RIC3: variants seen among roughly 807,000 people sequenced by gnomAD.
RIC3 encodes RIC3 acetylcholine receptor chaperone.
A neutral mutation model predicts 27.3 loss-of-function variants in RIC3; 28 were observed. That is an observed-to-expected ratio of 1.02 (90% confidence interval 0.76 to 1.41). The LOEUF (loss-of-function observed/expected upper bound fraction) is 1.41, where lower values mean the gene tolerates loss of function less well. RIC3 is among the 40% of genes most tolerant of loss of function. The pLI is 0.00. For missense variants in RIC3, 501 were observed against 444.7 expected (o/e 1.13, Z -1.14); for synonymous variants, 184 against 160.4 (o/e 1.15, Z -1.11).
chr11:8,164,981 A>G (rs1951551053), intron 1 of RIC3, among the ~76,000 whole-genome samples: 2 of 152,140 alleles, frequency 1.3e-5, no homozygotes, highest in African/African-American at 2.4e-5. Flanking sequence ...TCCTACTAGG[A>G]TGGCTATCAT....
At chr11:8,137,622 A>G (rs1948578194) in intron 3 of RIC3, 151 bp from the exon 4 acceptor site, 10 of 529,246 alleles carry the variant, frequency 1.9e-5, no homozygotes, top group South Asian at 1.4e-4. Flanking sequence ...GATTCTGTGA[A>G]TATTTAAGAT....
At chr11:8,165,787 G>GT (rs796291178) in intron 1 of RIC3, among the ~76,000 whole-genome samples, 207 of 56,468 alleles carry the variant, frequency 3.7e-3, no homozygotes, top group South Asian at 0.016. Context: ...GTTTTGTTTT[G>GT]TTTTTTTTTT....
intron 1 of RIC3, among the ~76,000 whole-genome samples, chr11:8,160,949 A>C (rs1382361962): frequency 6.6e-6 from 1 of 152,208 alleles, no homozygotes; most frequent in African/African-American, 2.4e-5. Context: ...GACAGGCCTC[A>C]ATCAATTTAG....
intron 5 of RIC3, among the ~76,000 whole-genome samples, chr11:8,124,024 G>A (rs890545491): frequency 9.3e-5 from 14 of 149,790 alleles, no homozygotes; most frequent in East Asian, 7.9e-4. Context: ...CCATGATCAC[G>A]TGCCACTGTA....
intron 5 of RIC3, among the ~76,000 whole-genome samples, chr11:8,122,203 A>C (rs573997248): frequency 6.6e-6 from 1 of 152,182 alleles, no homozygotes; most frequent in African/African-American, 2.4e-5. Flanking sequence ...CCATCACCAC[A>C]AGGACCCCTT....
At position 8,110,714 on chromosome 11, in the gene RIC3, G is replaced by A; in HGVS notation, c.1094C>T (p.Pro365Leu). ...TGGCTGTTTTCACTCTAAACCCTGG[G>A]GGTTACGCTTCCTCAGCATGCTGCC... is the stretch of plus-strand genomic sequence containing the variant. ...YTGSMLRKRN[P>L]QGLE Residue 365 changes from proline (P) to leucine (L), a missense_variant, in exon 6 of 6, where the codon CCC (proline) becomes CTC (leucine). By Grantham distance (98) the Pro-to-Leu change is moderately conservative. Transcript: ENST00000309737. 6.2e-7 allele frequency: 1 copy of A among 1,614,180 alleles called. No homozygotes were observed. The highest frequency in any genetic ancestry group is 8.5e-7 in the Non-Finnish European group (1 of 1,180,018).
chr11:8,149,548 G>C (rs1950036669), intron 1 of RIC3, among the ~76,000 whole-genome samples: 1 of 152,140 alleles, frequency 6.6e-6, no homozygotes, highest in African/African-American at 2.4e-5. Context: ...ACTAGGGTCT[G>C]GGAAAACGTC....
Position 8,109,063 on chromosome 11 carries a change from A to G in RIC3, c.*1635T>C, listed in dbSNP as rs1944967671. ...TGTGAATCAAATGTTCTACACAGAGATAGATGCAATATGCTTTCTATAAAC... is the reference window on the plus strand; with the variant it reads ...TGTGAATCAAATGTTCTACACAGAGGTAGATGCAATATGCTTTCTATAAAC... On this transcript the variant is annotated 3_prime_UTR_variant, in exon 6 of 6. Coordinates refer to ENST00000309737, the MANE Select transcript of RIC3 (RefSeq NM_001206671.4). The G allele has an allele frequency of 6.6e-6, 1 of 152,232 alleles. No homozygotes were observed. Among genetic ancestry groups the G allele is most frequent in the Non-Finnish European group, 1.5e-5 (1 of 68,040 alleles). 9.4% of individuals were successfully genotyped at this position (152,232 alleles called of 1,614,324 possible).
chr11:8,093,917 G>C, the RIC3 span: 8 of 1,044,790 alleles, frequency 7.7e-6, no homozygotes, highest in South Asian at 1.4e-5. Flanking sequence ...CTGTAGAAGT[G>C]GTACAGGGGC....
chr11:8,153,521 T>C (rs1950419689), intron 1 of RIC3: 2 of 389,674 alleles, frequency 5.1e-6, no homozygotes, highest in South Asian at 2.0e-5. Flanking sequence ...TTAATCTCTA[T>C]GGCACATTAC....
rs1257851412 is a variant in RIC3 at position 8,107,418 on chromosome 11, T to G, written c.*3280A>C. 6 of 152,202 alleles carry G rather than the reference T, an allele frequency of 3.9e-5. No homozygotes were observed. The highest frequency in any genetic ancestry group is 1.2e-4 in the African/African-American group (5 of 41,442). 9.4% of individuals were successfully genotyped at this position (152,202 alleles called of 1,614,324 possible). A position where few individuals can be genotyped will look rare whatever the true frequency, so the allele number is the denominator to read the frequency against. ...ATATTCTAAAAAGGAAAGAGGGTTT[T>G]GTTTGTTTAGTCATCAGGTTCAAAA... is the stretch of plus-strand genomic sequence containing the variant. On this transcript the variant is annotated 3_prime_UTR_variant, in exon 6 of 6. Coordinates refer to ENST00000309737, the MANE Select transcript of RIC3 (RefSeq NM_001206671.4).
At chr11:8,096,609 G>T in the RIC3 span, 2 of 970,828 alleles carry the variant, frequency 2.1e-6, no homozygotes, top group Non-Finnish European at 3.3e-6. Context: ...CTGAACATGA[G>T]TATGTGACCA....
chr11:8,103,830 C>G (rs1223058750), downstream of RIC3: 1 of 152,558 alleles, frequency 6.6e-6, no homozygotes, highest in Non-Finnish European at 1.5e-5. Context: ...GTTCTGAGTT[C>G]TGGTGAGACG....
At chr11:8,132,690 T>C (rs1032898914) in intron 4 of RIC3, among the ~76,000 whole-genome samples, 17 of 152,232 alleles carry the variant, frequency 1.1e-4, no homozygotes, top group Non-Finnish European at 1.0e-4. Context: ...TTTCAGAAAC[T>C]GCAGAGTTTT....
chr11:8,140,587 G>T (rs541538117), intron 1 of RIC3, among the ~76,000 whole-genome samples: 1 of 152,250 alleles, frequency 6.6e-6, no homozygotes, highest in African/African-American at 2.4e-5. Context: ...AACACCCACG[G>T]GGACCTTGGA....
At chr11:8,142,482 A>C (rs1418117831) in intron 1 of RIC3, among the ~76,000 whole-genome samples, 3 of 150,446 alleles carry the variant, frequency 2.0e-5, no homozygotes, top group Non-Finnish European at 4.4e-5. Context: ...ACCAGGAAGA[A>C]GTTGAATCTC....
intron 4 of RIC3, among the ~76,000 whole-genome samples, chr11:8,131,141 CACT>C (rs1376512474): frequency 1.4e-5 from 2 of 148,084 alleles, no homozygotes; most frequent in Non-Finnish European, 3.0e-5. Flanking sequence ...CTCACTCACT[CACT>C]CTTCTACTTC....
rs200338656 is a variant in RIC3, at chr11:8,140,162, A to T, written c.156T>A (p.His52Gln). The T allele has an allele frequency of 6.3e-5, 101 of 1,613,988 alleles. 1 individual carries two copies. The East Asian group carries it at 9.8e-4, about 16-fold the overall frequency. Reference sequence around the variant, plus strand: ...GGCCATCTGAGGGTGCCTGGTGATGATGCATCATAGGTGGAAATCGGCCCA... The same window carrying T: ...GGCCATCTGAGGGTGCCTGGTGATGTTGCATCATAGGTGGAAATCGGCCCA... ...GKLGRFPPMM[H>Q]HHQAPSDGQT... Residue 52 changes from histidine to glutamine, a missense_variant, in exon 2 of 6, where the codon CAT becomes CAA. His to Gln is a conservative substitution (Grantham distance 24). Transcript: ENST00000309737.
chr11:8,150,626 A>G (rs576377676), intron 1 of RIC3, among the ~76,000 whole-genome samples: 2 of 152,340 alleles, frequency 1.3e-5, no homozygotes, highest in East Asian at 3.9e-4. Context: ...AGAATATTGT[A>G]TTTATGTGGA....
Sources: gnomAD v4.1 joint callset for allele counts (sites outside exome capture counted in the v4.1 genomes callset) on GRCh38, gnomAD v4.1.1 for gene constraint, MANE v1.5 for transcripts, NCBI Gene and HGNC (gene_info 2026-07-23, HGNC 2026-07-21) for gene names.